MAGI1: variants seen among roughly 807,000 people sequenced by gnomAD.
MAGI1 encodes membrane associated guanylate kinase, WW and PDZ domain containing 1, also known as membrane-associated guanylate kinase, WW and PDZ domain-containing protein 1.
MAGI1 carries 58 observed loss-of-function variants against 139.9 expected under a neutral mutation model. The observed-to-expected ratio is 0.41, with a 90% CI of 0.34 to 0.52. The LOEUF is 0.52. MAGI1 is among the 20% of genes least tolerant of loss of function. MAGI1 has a pLI of 0.12. For synonymous variants in MAGI1, 812 were observed against 737.9 expected, an observed-to-expected ratio of 1.10 and a Z score of -1.63; for missense variants, 1,874 against 1,901.6, an observed-to-expected ratio of 0.99 and a Z score of 0.27.
intron 1 of MAGI1, among the ~76,000 whole-genome samples, chr3:65,877,254 C>A (rs2060152423): frequency 6.6e-6 from 1 of 152,044 alleles, no homozygotes; most frequent in African/African-American, 2.4e-5. Flanking sequence ...TTGACATAAT[C>A]ACCAATATGA....
intron 2 of MAGI1, among the ~76,000 whole-genome samples, chr3:65,589,690 G>A (rs1347021991): frequency 1.3e-5 from 2 of 151,872 alleles, no homozygotes; most frequent in African/African-American, 2.4e-5. Flanking sequence ...TCCCAATGTG[G>A]CATAAAAGCA....
intron 2 of MAGI1, among the ~76,000 whole-genome samples, chr3:65,503,015 T>TTGTTAGTGTC (rs1384704066): frequency 4.6e-5 from 7 of 152,224 alleles, no homozygotes; most frequent in Non-Finnish European, 7.4e-5. Context: ...GTCACGTGAA[T>TTGTTAGTGTC]AAATGTGACT....
intron 21 of MAGI1, 81 bp from the exon 22 acceptor site, chr3:65,361,418 CAT>C: frequency 7.0e-7 from 1 of 1,425,826 alleles, no homozygotes; most frequent in South Asian, 1.2e-5. Flanking sequence ...CGTGGCAGAA[CAT>C]CTATTGCTTT....
At chr3:65,381,768 T>C in intron 16 of MAGI1, 109 bp downstream of exon 16, 1 of 1,028,228 alleles carries the variant, frequency 9.7e-7, no homozygotes, top group East Asian at 2.6e-5. Context: ...TTGATCACAT[T>C]TGCAAACATT....
chr3:65,375,669 G>GA (rs1559506158), intron 18 of MAGI1, 76 bp downstream of exon 18: 2 of 1,243,986 alleles, frequency 1.6e-6, no homozygotes, highest in Non-Finnish European at 2.3e-6. Flanking sequence ...CAAAGAGAGA[G>GA]AAAGAGAAAA....
intron 12 of MAGI1, among the ~76,000 whole-genome samples, chr3:65,421,209 C>G (rs1946611644): frequency 6.6e-6 from 1 of 152,170 alleles, no homozygotes; most frequent in African/African-American, 2.4e-5. Flanking sequence ...TAACTTTAAA[C>G]CATGGCAATA....
At chr3:65,836,728 G>C (rs1206187168) in intron 1 of MAGI1, among the ~76,000 whole-genome samples, 1 of 152,110 alleles carries the variant, frequency 6.6e-6, no homozygotes, top group Non-Finnish European at 1.5e-5. Context: ...CTGAGGCAGA[G>C]AACTGCTTGA....
chr3:65,560,172 T>C (rs1679647801), intron 2 of MAGI1, among the ~76,000 whole-genome samples: 1 of 152,228 alleles, frequency 6.6e-6, no homozygotes, highest in African/African-American at 2.4e-5. Context: ...AAGAGAAATA[T>C]ATAGGGGATT....
chr3:65,714,356 T>C (rs140824358), intron 1 of MAGI1, among the ~76,000 whole-genome samples: 2,414 of 152,046 alleles, frequency 0.016, 64 homozygotes, highest in African/African-American at 0.054. Flanking sequence ...GATGAGGTAA[T>C]GTCTCCATCC....
At chr3:65,842,146 G>C (rs1362915627) in intron 1 of MAGI1, among the ~76,000 whole-genome samples, 1 of 152,108 alleles carries the variant, frequency 6.6e-6, no homozygotes, top group Non-Finnish European at 1.5e-5. Context: ...TCAATGCTCT[G>C]AGTTATGGAG....
At chr3:65,969,074 A>C (rs944020160) in intron 1 of MAGI1, among the ~76,000 whole-genome samples, 6 of 152,216 alleles carry the variant, frequency 3.9e-5, no homozygotes, top group Non-Finnish European at 8.8e-5. Flanking sequence ...CAAGCGAAAG[A>C]GTAAAGTTAT....
intron 2 of MAGI1, among the ~76,000 whole-genome samples, chr3:65,587,652 T>C (rs1045798879): frequency 6.6e-6 from 1 of 151,820 alleles, no homozygotes; most frequent in Non-Finnish European, 1.5e-5. Context: ...AGCTAATTGT[T>C]CTATTTTTTT....
chr3:65,920,222 C>T (rs1438786177), intron 1 of MAGI1, among the ~76,000 whole-genome samples: 1 of 152,162 alleles, frequency 6.6e-6, no homozygotes, highest in Non-Finnish European at 1.5e-5. Flanking sequence ...AGCTGGTTTC[C>T]ACCTGCATCC....
chr3:65,383,699 G>T, intron 14 of MAGI1, 76 bp from the exon 15 acceptor site: 1 of 900,082 alleles, frequency 1.1e-6, no homozygotes, highest in Admixed American at 1.8e-5. Flanking sequence ...GAACACAGTT[G>T]CAGGACAAGA....
chr3:65,620,073 G>T, intron 2 of MAGI1: 1 of 821,860 alleles, frequency 1.2e-6, no homozygotes. Context: ...ATAAATCAGT[G>T]GAAAAAATAA....
chr3:65,390,828 T>C (rs1319086827), intron 14 of MAGI1, among the ~76,000 whole-genome samples: 3 of 152,314 alleles, frequency 2.0e-5, no homozygotes, highest in East Asian at 1.9e-4. Flanking sequence ...CACATCACAA[T>C]CTCCACTCGG....
chr3:66,004,301 G>A (rs1192984247), intron 1 of MAGI1, among the ~76,000 whole-genome samples: 1 of 152,200 alleles, frequency 6.6e-6, no homozygotes, highest in African/African-American at 2.4e-5. Flanking sequence ...TCAGTTGGGG[G>A]TGACTTGATG....
chr3:65,758,691 C>T (rs1449275271), intron 1 of MAGI1, among the ~76,000 whole-genome samples: 2 of 152,068 alleles, frequency 1.3e-5, no homozygotes, highest in Admixed American at 6.6e-5. Flanking sequence ...GCTAAATACC[C>T]TACAATGCAC....
intron 1 of MAGI1, among the ~76,000 whole-genome samples, chr3:65,706,756 TG>T (rs2030372171): frequency 6.6e-6 from 1 of 151,630 alleles, no homozygotes; most frequent in Admixed American, 6.6e-5. Flanking sequence ...GCGTAATGGA[TG>T]GGTGGGTGGG....
Sources: gnomAD v4.1 joint callset for allele counts (sites outside exome capture counted in the v4.1 genomes callset) on GRCh38, gnomAD v4.1.1 for gene constraint, MANE v1.5 for transcripts, NCBI Gene and HGNC (gene_info 2026-07-23, HGNC 2026-07-21) for gene names.